The following PAN3 variants were observed in gnomAD, a reference collection of about 807,000 sequenced individuals.
The protein encoded by PAN3 is PAN2-PAN3 deadenylation complex subunit PAN3.
In PAN3, 19 loss-of-function variants were observed where a neutral mutation model predicts 96.2. The ratio of observed to expected loss-of-function variants is 0.20; its 90% CI spans 0.14 to 0.29. The LOEUF is 0.29. Among genes scored for constraint, PAN3 ranks in the 10% least tolerant of loss-of-function variants. The probability of loss-of-function intolerance (pLI) is 1.00; values close to 1 mark genes in which losing one functional copy is unlikely to be tolerated. For missense variants in PAN3, 882 were observed against 1,108.1 expected (o/e 0.80, Z 2.90); for synonymous variants, 433 against 406.6 (o/e 1.06, Z -0.78).
intron 1 of PAN3, among the ~76,000 whole-genome samples, chr13:28,141,000 A>G (rs1869698907): frequency 8.8e-6 from 1 of 114,116 alleles, no homozygotes; most frequent in East Asian, 2.9e-4. Context: ...ACAGAAAGAG[A>G]CACTTTTTTT....
chr13:28,210,111 C>G (rs1403270885), intron 5 of PAN3, among the ~76,000 whole-genome samples: 1 of 152,074 alleles, frequency 6.6e-6, no homozygotes, highest in Non-Finnish European at 1.5e-5. Context: ...TATTATCAAA[C>G]TGTTCTCATA....
intron 4 of PAN3, among the ~76,000 whole-genome samples, chr13:28,193,824 A>C (rs371122366): frequency 2.6e-5 from 4 of 151,702 alleles, no homozygotes; most frequent in African/African-American, 9.7e-5. Flanking sequence ...GTACTACTAC[A>C]TAGAAAGTGA....
At chr13:28,239,162 A>ACACAC (rs145212573) in intron 6 of PAN3, among the ~76,000 whole-genome samples, 55 of 76,764 alleles carry the variant, frequency 7.2e-4, no homozygotes, top group Non-Finnish European at 8.9e-4. Context: ...CACCCCCGCC[A>ACACAC]ACACACACAC....
intron 1 of PAN3, among the ~76,000 whole-genome samples, chr13:28,167,609 G>A (rs1362391690): frequency 1.3e-5 from 2 of 151,032 alleles, no homozygotes; most frequent in Non-Finnish European, 2.9e-5. Context: ...GGCTGAAGCA[G>A]GTGGATCACT....
chr13:28,163,111 A>T (rs1462714275), intron 1 of PAN3, among the ~76,000 whole-genome samples: 1 of 151,710 alleles, frequency 6.6e-6, no homozygotes, highest in Admixed American at 6.6e-5. Context: ...TGGTATGATG[A>T]CAGCTCACTG....
chr13:28,215,975 C>A, intron 5 of PAN3: 1 of 817,724 alleles, frequency 1.2e-6, no homozygotes, highest in Non-Finnish European at 2.0e-6. Context: ...TTTCAGTTGG[C>A]CATTTAAGTT....
rs1342579843 is a variant in PAN3, at chr13:28,171,809, C to T, written c.431-2463C>T. Among the ~76,000 whole-genome samples, 3 of 152,218 alleles carry T rather than the reference C, an allele frequency of 2.0e-5. 1 individual carries two copies. Among genetic ancestry groups the T allele is most frequent in the Non-Finnish European group, 1.5e-5 (1 of 68,038 alleles). ...TATTAACTCAGCCTGTAGCCCCTCT[C>T]TCCTCACTGGAAGATGGTTGGGTAG... On this transcript the variant is annotated intron_variant, in intron 1 of 18. Coordinates refer to ENST00000380958, the MANE Select transcript of PAN3 (RefSeq NM_175854.8).
At chr13:28,274,538 T>C (rs2138687436) in intron 14 of PAN3, among the ~76,000 whole-genome samples, 1 of 151,342 alleles carries the variant, frequency 6.6e-6, no homozygotes, top group African/African-American at 2.4e-5. Flanking sequence ...CTTTTCTCAG[T>C]AGGGTTCCTT....
chr13:28,185,933 A>G (rs145712776), intron 4 of PAN3, among the ~76,000 whole-genome samples: 6 of 152,200 alleles, frequency 3.9e-5, no homozygotes, highest in East Asian at 1.9e-4. Context: ...GCTCATCCCT[A>G]TTTTCCTAGG....
chr13:28,168,714 CT>C (rs1316996523), intron 1 of PAN3, among the ~76,000 whole-genome samples: 2 of 150,708 alleles, frequency 1.3e-5, no homozygotes, highest in Non-Finnish European at 3.0e-5. Flanking sequence ...GCGAGACTCT[CT>C]TAAAAAAAAG....
chr13:28,272,120 C>A, intron 14 of PAN3, 49 bp downstream of exon 14: 1 of 1,320,464 alleles, frequency 7.6e-7, no homozygotes. Flanking sequence ...TTATTAAAGA[C>A]AAATTTTGTT....
At chr13:28,214,360 T>G (rs1880466292) in intron 5 of PAN3, among the ~76,000 whole-genome samples, 1 of 152,130 alleles carries the variant, frequency 6.6e-6, no homozygotes. Flanking sequence ...TATAGTATAT[T>G]GATAATGTCG....
intron 4 of PAN3, among the ~76,000 whole-genome samples, chr13:28,194,466 ATT>A (rs1284832933): frequency 3.0e-4 from 37 of 122,098 alleles, no homozygotes; most frequent in South Asian, 4.8e-4. Context: ...ATATATATAT[ATT>A]TTTTTTTTTT....
At chr13:28,219,405 A>G (rs1881143359) in intron 5 of PAN3, among the ~76,000 whole-genome samples, 1 of 150,304 alleles carries the variant, frequency 6.7e-6, no homozygotes, top group Non-Finnish European at 1.5e-5. Flanking sequence ...TACCTTCCAG[A>G]TCTAGTATTT....
chr13:28,252,022 G>A (rs1884774688), intron 6 of PAN3, among the ~76,000 whole-genome samples: 1 of 151,708 alleles, frequency 6.6e-6, no homozygotes, highest in Admixed American at 6.6e-5. Flanking sequence ...TGAGCAGCTG[G>A]GATTACAGGT....
chr13:28,291,601 G>A (rs1305067498), intron 18 of PAN3, among the ~76,000 whole-genome samples: 1 of 152,128 alleles, frequency 6.6e-6, no homozygotes, highest in Non-Finnish European at 1.5e-5. Context: ...AGGCCGAGGC[G>A]GGTGGATCGC....
intron 18 of PAN3, 58 bp downstream of exon 18, chr13:28,288,180 G>T: frequency 7.0e-7 from 1 of 1,431,270 alleles, no homozygotes; most frequent in Non-Finnish European, 9.5e-7. Context: ...GTATAGAGTT[G>T]TATCTTCTAC....
In PAN3 at chr13:28,138,775, G is replaced by A; in HGVS notation, c.118G>A (p.Ala40Thr). Residue 40 changes from alanine to threonine, a missense_variant, in exon 1 of 19, where the codon GCG becomes ACG. Transcript: ENST00000380958. ...GGGGGTCGGGGGTGTCCCCGGCGGG[G>A]CGGCGGTAGGAGTGAAGCTGAAGTA... ...PPGVGGVPGG[A>T]AVGVKLKYCR... 3 of 1,375,118 alleles carry A rather than the reference G, an allele frequency of 2.2e-6. No individual in the cohort carries two copies. In the South Asian group the frequency reaches 5.1e-5, roughly 23 times the overall value. 85.2% of individuals were successfully genotyped at this position (1,375,118 alleles called of 1,614,324 possible).
At chr13:28,201,371 TA>T (rs927178605) in intron 5 of PAN3, among the ~76,000 whole-genome samples, 2 of 151,784 alleles carry the variant, frequency 1.3e-5, no homozygotes, top group African/African-American at 4.8e-5. Context: ...CATTTTTTAA[TA>T]AAAAAATTTT....
Sources: allele counts gnomAD v4.1 joint callset (sites outside exome capture counted in the v4.1 genomes callset), GRCh38; gene constraint gnomAD v4.1.1; transcripts MANE v1.5; gene names NCBI Gene and HGNC (gene_info 2026-07-23, HGNC 2026-07-21).